Variants in SLIT2 observed in about 807,000 individuals in gnomAD.
The protein encoded by SLIT2 is slit guidance ligand 2.
SLIT2 carries 41 observed loss-of-function variants against 185.7 expected under a neutral mutation model. That is an observed-to-expected ratio of 0.22 (90% CI 0.17 to 0.29). SLIT2 has a LOEUF of 0.29. Among genes scored for constraint, SLIT2 ranks in the 10% least tolerant of loss-of-function variants. SLIT2 has a pLI of 1.00. For synonymous variants in SLIT2, 693 were observed against 680.2 expected (o/e 1.02, Z -0.29); for missense variants, 1,571 against 1,909.0 (o/e 0.82, Z 3.30).
intron 9 of SLIT2, among the ~76,000 whole-genome samples, chr4:20,492,809 T>C (rs1284321909): frequency 6.6e-6 from 1 of 152,168 alleles, no homozygotes; most frequent in Non-Finnish European, 1.5e-5. Context: ...ATTTATTTAA[T>C]TATGATAATA....
chr4:20,442,367 CA>C (rs1170811333), intron 4 of SLIT2, among the ~76,000 whole-genome samples: 3 of 151,810 alleles, frequency 2.0e-5, no homozygotes, highest in Non-Finnish European at 2.9e-5. Context: ...AAAATACACA[CA>C]AAAAAATTAG....
intron 12 of SLIT2, among the ~76,000 whole-genome samples, chr4:20,522,916 G>A (rs1486673992): frequency 1.3e-5 from 2 of 152,110 alleles, no homozygotes; most frequent in African/African-American, 4.8e-5. Flanking sequence ...CAGGCATATA[G>A]ATGACAGTCA....
At chr4:20,283,225 G>A (rs569920841) in intron 4 of SLIT2, among the ~76,000 whole-genome samples, 1 of 152,236 alleles carries the variant, frequency 6.6e-6, no homozygotes, top group East Asian at 1.9e-4. Context: ...GCCAATTGAA[G>A]CACCAGAAGT....
chr4:20,431,703 C>G (rs952645373), intron 4 of SLIT2, among the ~76,000 whole-genome samples: 5 of 152,162 alleles, frequency 3.3e-5, no homozygotes, highest in Non-Finnish European at 7.4e-5. Context: ...GAAGTTAAGA[C>G]TGGAAGGGCT....
intron 4 of SLIT2, among the ~76,000 whole-genome samples, chr4:20,337,166 G>A (rs1054635635): frequency 5.3e-5 from 8 of 152,288 alleles, no homozygotes; most frequent in East Asian, 1.9e-4. Context: ...AGACATACCC[G>A]AGACTAGGTA....
intron 4 of SLIT2, among the ~76,000 whole-genome samples, chr4:20,353,169 C>T (rs1270808267): frequency 6.6e-6 from 1 of 152,110 alleles, no homozygotes; most frequent in African/African-American, 2.4e-5. Context: ...ATTGTGTGTG[C>T]ATTCATAGCA....
intron 4 of SLIT2, among the ~76,000 whole-genome samples, chr4:20,449,906 A>G (rs1712279648): frequency 6.6e-6 from 1 of 152,134 alleles, no homozygotes. Flanking sequence ...TTGCAAGGAA[A>G]ATTAAAATAC....
intron 16 of SLIT2, among the ~76,000 whole-genome samples, 156 bp downstream of exon 16, chr4:20,529,255 A>G (rs1721573366): frequency 6.6e-6 from 1 of 152,228 alleles, no homozygotes; most frequent in South Asian, 2.1e-4. Flanking sequence ...ACAAGAATAT[A>G]TTAGAGGCTA....
Position 20,271,786 on chromosome 4 carries a change from A to G in SLIT2, c.395+2905A>G, listed in dbSNP as rs374359194. Among the ~76,000 whole-genome samples, 6 of 152,154 alleles carry G rather than the reference A, an allele frequency of 3.9e-5. 1 individual carries two copies. The South Asian group carries it at 1.0e-3, about 26-fold the overall frequency. On this transcript the variant is annotated intron_variant, in intron 4 of 36. Coordinates refer to ENST00000504154, the MANE Select transcript of SLIT2 (RefSeq NM_004787.4). Reference sequence around the variant, plus strand: ...TTGCTTAGATTAAAGCTAGTTGGATATACTGGACATTGTGTTGCTTTTCTT... The same window carrying G: ...TTGCTTAGATTAAAGCTAGTTGGATGTACTGGACATTGTGTTGCTTTTCTT...
intron 4 of SLIT2, among the ~76,000 whole-genome samples, chr4:20,278,816 G>A (rs1240809323): frequency 4.0e-5 from 6 of 150,442 alleles, no homozygotes; most frequent in Admixed American, 6.7e-5. Context: ...GGTGGGGGGC[G>A]GTGGGGGGAG....
intron 5 of SLIT2, among the ~76,000 whole-genome samples, chr4:20,472,064 G>A (rs1715096309): frequency 6.6e-6 from 1 of 150,444 alleles, no homozygotes; most frequent in African/African-American, 2.5e-5. Context: ...TGTTTATAAT[G>A]GTCACTGGTG....
At chr4:20,588,838 A>G (rs1727276949) in intron 29 of SLIT2, among the ~76,000 whole-genome samples, 1 of 152,192 alleles carries the variant, frequency 6.6e-6, no homozygotes, top group African/African-American at 2.4e-5. Flanking sequence ...ATTTGTTGAT[A>G]GAAGTTCTAT....
chr4:20,554,424 C>T (rs1724058177), intron 26 of SLIT2: 1 of 431,424 alleles, frequency 2.3e-6, no homozygotes, highest in South Asian at 1.6e-5. Flanking sequence ...TGTTGATGTT[C>T]TTGTTTCTTG....
intron 4 of SLIT2, among the ~76,000 whole-genome samples, chr4:20,374,105 C>T (rs1166753799): frequency 6.6e-6 from 1 of 152,066 alleles, no homozygotes; most frequent in Non-Finnish European, 1.5e-5. Context: ...CCCTGTGCCT[C>T]ATTTTCCCCA....
At chr4:20,334,423 C>T (rs1391647725) in intron 4 of SLIT2, among the ~76,000 whole-genome samples, 5 of 151,958 alleles carry the variant, frequency 3.3e-5, no homozygotes, top group Non-Finnish European at 5.9e-5. Flanking sequence ...TCCTTCTTAC[C>T]CTAGTATCTC....
At chr4:20,433,186 T>C (rs1002444038) in intron 4 of SLIT2, among the ~76,000 whole-genome samples, 3 of 152,216 alleles carry the variant, frequency 2.0e-5, no homozygotes, top group African/African-American at 7.2e-5. Context: ...GCTGTTAGAA[T>C]GCCTTTGGCT....
chr4:20,538,977 T>G (rs897112804), intron 18 of SLIT2, among the ~76,000 whole-genome samples: 1 of 152,136 alleles, frequency 6.6e-6, no homozygotes, highest in Non-Finnish European at 1.5e-5. Flanking sequence ...TGACATTGAC[T>G]CAGTGTGTAA....
chr4:20,268,454 A>T (rs1320852541), intron 3 of SLIT2, among the ~76,000 whole-genome samples: 2 of 151,650 alleles, frequency 1.3e-5, no homozygotes, highest in African/African-American at 2.4e-5. Flanking sequence ...ATTATTTTAG[A>T]CACCATTCAC....
intron 4 of SLIT2, among the ~76,000 whole-genome samples, chr4:20,457,406 A>G (rs993250960): frequency 2.0e-5 from 3 of 152,068 alleles, no homozygotes; most frequent in Non-Finnish European, 4.4e-5. Context: ...GATGAGTAGG[A>G]GGATTAACCA....
Sources: gnomAD v4.1 joint callset for allele counts (sites outside exome capture counted in the v4.1 genomes callset) on GRCh38, gnomAD v4.1.1 for gene constraint, MANE v1.5 for transcripts, NCBI Gene and HGNC (gene_info 2026-07-23, HGNC 2026-07-21) for gene names.